The following SOX6 variants were observed in gnomAD, a reference collection of about 807,000 sequenced individuals.
SOX6 encodes the protein transcription factor SOX-6.
In SOX6, 11 loss-of-function variants were observed where a neutral mutation model predicts 97.8. The ratio of observed to expected loss-of-function variants is 0.11; its 90% confidence interval spans 0.07 to 0.19. SOX6 has a LOEUF of 0.19. Among genes scored for constraint, SOX6 ranks in the 10% least tolerant of loss-of-function variants. The pLI, the probability that SOX6 is intolerant of heterozygous loss-of-function variation, is 1.00. For synonymous variants in SOX6, 360 were observed against 371.4 expected (o/e 0.97, Z 0.35); for missense variants, 810 against 1,039.5 (o/e 0.78, Z 3.04).
At chr11:16,236,485 T>G (rs536425606) in intron 3 of SOX6, among the ~76,000 whole-genome samples, 1 of 152,046 alleles carries the variant, frequency 6.6e-6, no homozygotes, top group South Asian at 2.1e-4. Context: ...CAACAAAAAG[T>G]TTTTATTTTA....
chr11:16,339,560 C>CA (rs1856563301), intron 2 of SOX6, among the ~76,000 whole-genome samples: 1 of 152,002 alleles, frequency 6.6e-6, no homozygotes, highest in Admixed American at 6.6e-5. Flanking sequence ...TATGTTCTCA[C>CA]ATAGCATTCT....
At chr11:16,324,958 A>G (rs1003553922) in intron 2 of SOX6, among the ~76,000 whole-genome samples, 1 of 152,098 alleles carries the variant, frequency 6.6e-6, no homozygotes, top group African/African-American at 2.4e-5. Flanking sequence ...ATGAGTATGG[A>G]AATATAGTTA....
At chr11:16,539,208 T>G (rs541878049) in intron 4 of SOX6, among the ~76,000 whole-genome samples, 19 of 152,148 alleles carry the variant, frequency 1.2e-4, no homozygotes, top group Non-Finnish European at 2.5e-4. Context: ...ACTGAACAAC[T>G]TGTTCCTGAA....
At chr11:16,423,853 C>T (rs1859069924) in intron 1 of SOX6, among the ~76,000 whole-genome samples, 1 of 152,072 alleles carries the variant, frequency 6.6e-6, no homozygotes, top group African/African-American at 2.4e-5. Flanking sequence ...AAGAACTAAA[C>T]TTAGAGATGC....
intron 4 of SOX6, among the ~76,000 whole-genome samples, chr11:16,514,399 G>A (rs1371785101): frequency 6.6e-6 from 1 of 152,004 alleles, no homozygotes; most frequent in Non-Finnish European, 1.5e-5. Flanking sequence ...CATAATAGTT[G>A]CCACTAGCCC....
intron 7 of SOX6, among the ~76,000 whole-genome samples, chr11:16,104,785 T>A (rs1849036594): frequency 6.6e-6 from 1 of 151,972 alleles, no homozygotes; most frequent in Non-Finnish European, 1.5e-5. Context: ...ATTAACCAAT[T>A]CAACACCTAG....
intron 3 of SOX6, among the ~76,000 whole-genome samples, chr11:16,648,358 A>G (rs1849044863): frequency 1.3e-5 from 2 of 151,982 alleles, no homozygotes; most frequent in Admixed American, 6.6e-5. Context: ...ACCCAAGGAG[A>G]GTCTGAGCCC....
chr11:16,489,196 T>G (rs1223422660), intron 4 of SOX6, among the ~76,000 whole-genome samples: 1 of 152,160 alleles, frequency 6.6e-6, no homozygotes, highest in African/African-American at 2.4e-5. Context: ...GCTGAACATT[T>G]GAAATTGGAA....
chr11:16,721,951 T>C (rs1463249931), intron 2 of SOX6, among the ~76,000 whole-genome samples: 1 of 151,930 alleles, frequency 6.6e-6, no homozygotes, highest in Non-Finnish European at 1.5e-5. Flanking sequence ...AGACTCCCTA[T>C]TCAATAAATG....
At chr11:16,470,878 G>T (rs911050098) in intron 1 of SOX6, among the ~76,000 whole-genome samples, 1 of 151,924 alleles carries the variant, frequency 6.6e-6, no homozygotes, top group South Asian at 2.1e-4. Flanking sequence ...ATATTCTGTT[G>T]GTATTATTAT....
intron 1 of SOX6, among the ~76,000 whole-genome samples, chr11:16,472,332 A>G (rs1056895829): frequency 1.9e-4 from 29 of 152,368 alleles, no homozygotes; most frequent in African/African-American, 7.0e-4. Context: ...AGCAACTAAG[A>G]TAAGATTTGG....
At chr11:16,517,928 C>A (rs1378623927) in intron 4 of SOX6, among the ~76,000 whole-genome samples, 1 of 152,180 alleles carries the variant, frequency 6.6e-6, no homozygotes, top group Non-Finnish European at 1.5e-5. Context: ...CTGCCCTTGA[C>A]TAACCCCTTA....
chr11:16,598,597 T>A (rs1160714658), intron 4 of SOX6, among the ~76,000 whole-genome samples: 1 of 151,850 alleles, frequency 6.6e-6, no homozygotes, highest in Non-Finnish European at 1.5e-5. Flanking sequence ...GACCTATTTG[T>A]AAAGTATAAA....
At chr11:16,075,670 G>A (rs1305469477) in intron 9 of SOX6, among the ~76,000 whole-genome samples, 2 of 152,112 alleles carry the variant, frequency 1.3e-5, no homozygotes, top group South Asian at 2.1e-4. Context: ...GTGGGGGCTG[G>A]GGGAGGGATA....
At chr11:16,169,690 T>A (rs1174640692) in intron 6 of SOX6, among the ~76,000 whole-genome samples, 1 of 152,072 alleles carries the variant, frequency 6.6e-6, no homozygotes, top group East Asian at 1.9e-4. Context: ...AAAGAAAGGA[T>A]TCACAGTGTT....
At chr11:15,994,435 TAAAA>T (rs5789931) in intron 13 of SOX6, among the ~76,000 whole-genome samples, 2 of 135,902 alleles carry the variant, frequency 1.5e-5, no homozygotes, top group Non-Finnish European at 1.6e-5. Flanking sequence ...TGGGTTTATG[TAAAA>T]AAAAAAAAAA....
At chr11:16,394,387 A>T (rs1193869262) in intron 1 of SOX6, among the ~76,000 whole-genome samples, 1 of 151,810 alleles carries the variant, frequency 6.6e-6, no homozygotes, top group African/African-American at 2.4e-5. Context: ...TTTAACACCA[A>T]AACATTTTAA....
chr11:16,285,852 T>C (rs1231630268), intron 3 of SOX6, among the ~76,000 whole-genome samples: 1 of 152,156 alleles, frequency 6.6e-6, no homozygotes, highest in African/African-American at 2.4e-5. Flanking sequence ...GTAAATGTTT[T>C]CAATTGATAC....
At chr11:16,575,782 TG>T (rs1847980888) in intron 4 of SOX6, among the ~76,000 whole-genome samples, 1 of 152,088 alleles carries the variant, frequency 6.6e-6, no homozygotes, top group Admixed American at 6.5e-5. Context: ...ACAGGGAGTA[TG>T]GGGGTGTAAT....
Sources: allele counts gnomAD v4.1 joint callset (sites outside exome capture counted in the v4.1 genomes callset), GRCh38; gene constraint gnomAD v4.1.1; transcripts MANE v1.5; gene names NCBI Gene and HGNC (gene_info 2026-07-23, HGNC 2026-07-21).